UCHL5: variants seen among roughly 807,000 people sequenced by gnomAD.
UCHL5 encodes the protein ubiquitin C-terminal hydrolase L5.
UCHL5 carries 34 observed loss-of-function variants against 53.8 expected under a neutral mutation model. The observed-to-expected ratio is 0.63, with a 90% CI of 0.48 to 0.84. The LOEUF is 0.84. Among genes scored for constraint, UCHL5 ranks in the 40% least tolerant of loss-of-function variants. The pLI is 0.00. For synonymous variants in UCHL5, 111 were observed against 126.3 expected, an observed-to-expected ratio of 0.88 and a Z score of 0.81; for missense variants, 290 against 385.6, an observed-to-expected ratio of 0.75 and a Z score of 2.08.
At chr1:193,025,524 A>G (rs1485389981) in intron 7 of UCHL5, among the ~76,000 whole-genome samples, 2 of 152,222 alleles carry the variant, frequency 1.3e-5, no homozygotes, top group Non-Finnish European at 1.5e-5. Context: ...AGCAATAGCA[A>G]GGCACTCCTA....
intron 3 of UCHL5, among the ~76,000 whole-genome samples, chr1:193,043,155 A>T (rs892756765): frequency 3.2e-4 from 41 of 129,136 alleles, no homozygotes; most frequent in Middle Eastern, 3.8e-3. Flanking sequence ...GAATATTAAA[A>T]AAAAAAAAAA....
At chr1:193,045,121 A>T (rs781413687) in intron 3 of UCHL5, among the ~76,000 whole-genome samples, 4 of 152,202 alleles carry the variant, frequency 2.6e-5, no homozygotes, top group South Asian at 2.1e-4. Context: ...TCTTAGTGTT[A>T]GTAAATTCTA....
intron 3 of UCHL5, among the ~76,000 whole-genome samples, chr1:193,032,249 T>C (rs766211087): frequency 2.0e-5 from 3 of 151,996 alleles, no homozygotes; most frequent in Non-Finnish European, 2.9e-5. Context: ...ATATAAATTA[T>C]AGTCAATCAA....
chr1:193,044,903 A>C (rs1245199911), intron 3 of UCHL5, among the ~76,000 whole-genome samples: 1 of 152,214 alleles, frequency 6.6e-6, no homozygotes, highest in Non-Finnish European at 1.5e-5. Context: ...AGCAAAATAA[A>C]GTACCAAAAC....
At chr1:193,027,875 C>A in intron 7 of UCHL5, 1 of 1,466,292 alleles carries the variant, frequency 6.8e-7, no homozygotes, top group Non-Finnish European at 9.0e-7. Context: ...GTAATCCTAC[C>A]ACTTTGGGAG....
At chr1:193,024,689 A>G (rs1658486828) in intron 7 of UCHL5, among the ~76,000 whole-genome samples, 1 of 151,424 alleles carries the variant, frequency 6.6e-6, no homozygotes, top group African/African-American at 2.4e-5. Context: ...GAAGCATCTC[A>G]TAACAAGCTG....
At chr1:193,026,748 G>A (rs190285385) in intron 7 of UCHL5, among the ~76,000 whole-genome samples, 8 of 150,980 alleles carry the variant, frequency 5.3e-5, no homozygotes, top group African/African-American at 1.2e-4. Context: ...CAACACATAG[G>A]CATTTATCCC....
intron 1 of UCHL5, among the ~76,000 whole-genome samples, chr1:193,052,771 T>A (rs1364852074): frequency 1.3e-5 from 2 of 152,304 alleles, no homozygotes; most frequent in East Asian, 3.9e-4. Context: ...GCCAGTATTA[T>A]CATCACAATA....
At chr1:193,042,431 C>G (rs1339552323) in intron 3 of UCHL5, among the ~76,000 whole-genome samples, 4 of 152,050 alleles carry the variant, frequency 2.6e-5, no homozygotes, top group Non-Finnish European at 5.9e-5. Flanking sequence ...TGTTATTAAC[C>G]AAGGATTCTT....
At chr1:193,028,271 CT>C (rs988050716) in intron 6 of UCHL5, 123 bp from the exon 7 acceptor site, 2 of 709,802 alleles carry the variant, frequency 2.8e-6, no homozygotes, top group Non-Finnish European at 4.4e-6. Flanking sequence ...CAGTAAAACT[CT>C]TTTTAGTATA....
At chr1:193,054,498 T>C (rs988491853) in intron 1 of UCHL5, among the ~76,000 whole-genome samples, 4 of 152,084 alleles carry the variant, frequency 2.6e-5, no homozygotes, top group Admixed American at 1.3e-4. Flanking sequence ...TGTGACCAAA[T>C]AGGAAAAACT....
At chr1:193,049,100 T>C (rs1026013065) in intron 3 of UCHL5, among the ~76,000 whole-genome samples, 2 of 152,062 alleles carry the variant, frequency 1.3e-5, no homozygotes, top group Non-Finnish European at 2.9e-5. Flanking sequence ...TCTCTTCAGG[T>C]TTCCCAGGCT....
intron 3 of UCHL5, among the ~76,000 whole-genome samples, chr1:193,047,903 A>C (rs1667856722): frequency 6.6e-6 from 1 of 152,236 alleles, no homozygotes; most frequent in African/African-American, 2.4e-5. Flanking sequence ...AGAGTTTTAA[A>C]AAAAGAAAAC....
At chr1:193,016,445 C>A in intron 10 of UCHL5, 50 bp from the exon 11 acceptor site, 1 of 1,544,548 alleles carries the variant, frequency 6.5e-7, no homozygotes, top group Non-Finnish European at 8.8e-7. Context: ...CAGTTTTAGA[C>A]TATATTAGAA....
chr1:193,056,971 C>T (rs1437512768), intron 1 of UCHL5, among the ~76,000 whole-genome samples: 1 of 152,176 alleles, frequency 6.6e-6, no homozygotes, highest in Non-Finnish European at 1.5e-5. Flanking sequence ...ATATATCATT[C>T]TTTCATGCAT....
intron 10 of UCHL5, among the ~76,000 whole-genome samples, chr1:193,017,834 A>C (rs1225049342): frequency 6.6e-6 from 1 of 151,446 alleles, no homozygotes; most frequent in East Asian, 1.9e-4. Context: ...CAAGAATGTG[A>C]AGTAGGTATG....
rs1161132731 is a variant in UCHL5, at chr1:193,029,212, A to G, written c.532T>C (p.Leu178=). The change falls in exon 6 of 11, where the codon TTA becomes CTA. Residue 178 remains leucine (L), a synonymous_variant. Transcript: ENST00000367454. ...ATCGGTCCTTCTCTTAATCCATCTAATTCATACAGTCTCCCATTAACAGGA... is the reference window on the plus strand; with the variant it reads ...ATCGGTCCTTCTCTTAATCCATCTAGTTCATACAGTCTCCCATTAACAGGA... ...YVPVNGRLYE[L]DGLREGPIDL... 3 of 1,613,556 alleles carry G rather than the reference A, an allele frequency of 1.9e-6. No homozygotes were observed. Among genetic ancestry groups the G allele is most frequent in the Non-Finnish European group, 2.5e-6 (3 of 1,179,760 alleles).
chr1:193,017,090 T>C (rs1655122889), intron 10 of UCHL5, among the ~76,000 whole-genome samples: 2 of 151,756 alleles, frequency 1.3e-5, no homozygotes, highest in Admixed American at 6.6e-5. Flanking sequence ...TCTCAATGTA[T>C]ATACCAATGA....
intron 3 of UCHL5, among the ~76,000 whole-genome samples, chr1:193,036,478 G>A (rs1045776388): frequency 6.6e-6 from 1 of 151,788 alleles, no homozygotes; most frequent in Non-Finnish European, 1.5e-5. Context: ...ATATGTATAC[G>A]CCTAACACCT....
Sources: allele counts gnomAD v4.1 joint callset (sites outside exome capture counted in the v4.1 genomes callset), GRCh38; gene constraint gnomAD v4.1.1; transcripts MANE v1.5; gene names NCBI Gene and HGNC (gene_info 2026-07-23, HGNC 2026-07-21).